TTC24: variants seen among roughly 807,000 people sequenced by gnomAD.
The protein encoded by TTC24 is tetratricopeptide repeat protein 24.
In TTC24, 54 loss-of-function variants were observed where a neutral mutation model predicts 63.3. The ratio of observed to expected loss-of-function variants is 0.85; its 90% CI spans 0.69 to 1.07. The LOEUF (loss-of-function observed/expected upper bound fraction) is 1.07, where lower values mean the gene tolerates loss of function less well. TTC24 is among the 50% of genes least tolerant of loss of function. The probability of loss-of-function intolerance (pLI) is 0.00; values close to 1 mark genes in which losing one functional copy is unlikely to be tolerated. For synonymous variants in TTC24, 276 were observed against 304.3 expected (o/e 0.91, Z 0.97); for missense variants, 680 against 730.5 (o/e 0.93, Z 0.80).
In TTC24 at chr1:156,583,035, T is replaced by C. The variant is rs1330599462; in HGVS notation, c.911-7T>C. 7 of 1,609,420 alleles carry C rather than the reference T, an allele frequency of 4.3e-6. No individual in the cohort carries two copies. The highest frequency in any genetic ancestry group is 5.9e-6 in the Non-Finnish European group (7 of 1,177,510). ...CCCTCTGAGGATGGGGTGGGCTCTG[T>C]CCTCAGGCTCTGTGGGGCAGCGGTG... On this transcript the variant is annotated splice_region_variant and splice_polypyrimidine_tract_variant and intron_variant, in intron 3 of 10. Transcript: ENST00000368236. The surrounding 1 kb of genome is among the most constrained non-coding windows in gnomAD (Gnocchi z 4.0).
At chr1:156,582,504 G>A in intron 3 of TTC24, 70 bp downstream of exon 3, 4 of 1,442,604 alleles carry the variant, frequency 2.8e-6, no homozygotes, top group African/African-American at 1.4e-5. Context: ...AGGGGCCCAA[G>A]GCTTAAGGGT....
At chr1:156,582,174 G>T in intron 2 of TTC24, 57 bp from the exon 3 acceptor site, 2 of 1,501,238 alleles carry the variant, frequency 1.3e-6, no homozygotes, top group Non-Finnish European at 1.8e-6. Flanking sequence ...GATAGGGGCT[G>T]TACCAGCCTC....
Position 156,581,427 on chromosome 1 carries a change from T to C in TTC24, c.63T>C (p.Asn21=). ...RRPEPEPSSS[N]KKKKKRKWLR... is the part of the protein sequence containing the mutation. ...CAGAACCTGAGCCCTCAAGCTCCAATAAGAAAAAGAAGAAAAGAAAGTGGC... is the reference window on the plus strand; with the variant it reads ...CAGAACCTGAGCCCTCAAGCTCCAACAAGAAAAAGAAGAAAAGAAAGTGGC... Residue 21 remains asparagine, a synonymous_variant, in exon 2 of 11, where the codon AAT becomes AAC. Transcript: ENST00000368236. The C allele has an allele frequency of 6.5e-7, 1 of 1,547,442 alleles. No individual in the cohort carries two copies. The highest frequency in any genetic ancestry group is 8.7e-7 in the Non-Finnish European group (1 of 1,145,226).
Position 156,581,502 on chromosome 1 carries a change from C to T in TTC24, c.138C>T (p.Ala46=), listed in dbSNP as rs1472615280. ...CCCTCACCAGGGCTGGCCATGGGGC[C>T]CTTCAGGCTGGCCAGAACCATGAAG... ...IQALTRAGHG[A]LQAGQNHEAL... The change falls in exon 2 of 11, where the codon GCC becomes GCT. Residue 46 remains alanine, a synonymous_variant. Transcript: ENST00000368236. 2 of 1,551,416 alleles carry T rather than the reference C, an allele frequency of 1.3e-6. No homozygotes were observed. The highest frequency in any genetic ancestry group is 1.2e-5 in the South Asian group (1 of 84,054).
At chr1:156,586,225 C>T (rs11579013) in intron 10 of TTC24, among the ~76,000 whole-genome samples, 180 bp downstream of exon 10, 5 of 152,168 alleles carry the variant, frequency 3.3e-5, no homozygotes, top group Non-Finnish European at 5.9e-5. Flanking sequence ...GTGAACAACC[C>T]TCACCCGGCT....
chr1:156,583,358 C>T lies in TTC24; in HGVS notation c.1060C>T (p.Gln354Ter). 1 of 1,612,750 alleles carries T rather than the reference C, an allele frequency of 6.2e-7. No individual in the cohort carries two copies. Among genetic ancestry groups the T allele is most frequent in the Non-Finnish European group, 8.5e-7 (1 of 1,179,418 alleles). ...CTCAGGGGACATGAAGGGACAGTGG[C>T]AGGCCTGTGAGGGTCTGGGGGCTGC... ...RDSGDMKGQW[Q>*]ACEGLGAAAA... The change falls in exon 5 of 11, where the codon CAG becomes TAG. Residue 354 changes from glutamine to a stop codon, truncating the protein, a stop_gained. Transcript: ENST00000368236. LOFTEE classifies it high-confidence loss of function. The surrounding 1 kb of genome is among the most constrained non-coding windows in gnomAD (Gnocchi z 4.0).
Position 156,583,538 on chromosome 1 carries a change from T to A in TTC24, c.1152+88T>A, listed in dbSNP as rs1677066873. On this transcript the variant is annotated intron_variant, in intron 5 of 10. Transcript: ENST00000368236. This position sits in a 1 kb window ranked among gnomAD's most constrained non-coding sequence, Gnocchi z 4.0. ...GCCTTCACTCCTTGTCTTCTCCCCA[T>A]CACTCACTCAATCAGCAAACATGCA... is the stretch of plus-strand genomic sequence containing the variant. 2 of 1,115,840 alleles carry A rather than the reference T, an allele frequency of 1.8e-6. No homozygotes were observed. Among genetic ancestry groups the A allele is most frequent in the Non-Finnish European group, 2.6e-6 (2 of 780,916 alleles). 69.1% of individuals were successfully genotyped at this position (1,115,840 alleles called of 1,614,324 possible). A position where few individuals can be genotyped will look rare whatever the true frequency, so the allele number is the denominator to read the frequency against.
At chr1:156,584,094 C>T (rs1677083316) in intron 6 of TTC24, among the ~76,000 whole-genome samples, 199 bp downstream of exon 6, 1 of 152,170 alleles carries the variant, frequency 6.6e-6, no homozygotes, top group Non-Finnish European at 1.5e-5. Flanking sequence ...ACGTCTCCAA[C>T]ACAAGGGCTG....
At position 156,583,855 on chromosome 1, in the gene TTC24, C is replaced by T. The variant is rs74118719; in HGVS notation, c.1211C>T (p.Thr404Met). 3,431 of 1,584,832 alleles carry T rather than the reference C, an allele frequency of 2.2e-3. 55 individuals carry two copies. In the African/African-American group the frequency reaches 0.038, roughly 18 times the overall value. Reference protein sequence around the residue: ...LVAKLADTVRTRLAQVGLVQT... With the variant: ...LVAKLADTVRMRLAQVGLVQT... ...GCCAAGCTGGCAGACACCGTGAGGACGCGCTTGGCCCAGGTGGGGCTGGTC... is the reference window on the plus strand; with the variant it reads ...GCCAAGCTGGCAGACACCGTGAGGATGCGCTTGGCCCAGGTGGGGCTGGTC... Residue 404 changes from threonine (T) to methionine (M), a missense_variant, in exon 6 of 11, where the codon ACG becomes ATG. Physicochemically the swap from Thr to Met is moderately conservative, Grantham distance 81 (BLOSUM62 -1). Coordinates refer to ENST00000368236, the MANE Select transcript of TTC24 (RefSeq NM_001105669.4). This position sits in a 1 kb window ranked among gnomAD's most constrained non-coding sequence, Gnocchi z 4.0.
At chr1:156,582,995 C>T in intron 3 of TTC24, 47 bp from the exon 4 acceptor site, 1 of 1,569,630 alleles carries the variant, frequency 6.4e-7, no homozygotes, top group Non-Finnish European at 8.6e-7. Flanking sequence ...TCCTGATGTC[C>T]CAGCAGCCAG....
intron 1 of TTC24, among the ~76,000 whole-genome samples, 196 bp downstream of exon 1, chr1:156,579,954 G>A (rs1676948835): frequency 6.6e-6 from 1 of 152,210 alleles, no homozygotes; most frequent in Admixed American, 6.5e-5. Flanking sequence ...GGGGTCAAGA[G>A]CCCAGGGCCT....
At chr1:156,585,325 T>C (rs1169009826) in intron 8 of TTC24, 94 bp downstream of exon 8, 72 of 926,730 alleles carry the variant, frequency 7.8e-5, no homozygotes, top group Non-Finnish European at 1.1e-4. Context: ...CTTATGCCCA[T>C]CCCACCATCC....
In TTC24 at chr1:156,583,334, T is replaced by G. The variant is rs985587602; in HGVS notation, c.1040-4T>G. 2 of 1,612,460 alleles carry G rather than the reference T, an allele frequency of 1.2e-6. No individual in the cohort carries two copies. The highest frequency in any genetic ancestry group is 1.7e-6 in the Non-Finnish European group (2 of 1,179,282). On this transcript the variant is annotated splice_region_variant and splice_polypyrimidine_tract_variant and intron_variant, in intron 4 of 10. Coordinates refer to ENST00000368236, the MANE Select transcript of TTC24 (RefSeq NM_001105669.4). This position sits in a 1 kb window ranked among gnomAD's most constrained non-coding sequence, Gnocchi z 4.0. ...AAGGACCTTCCAGGCTCTCTTTCTC[T>G]CAGGGGACATGAAGGGACAGTGGCA...
intron 3 of TTC24, 84 bp downstream of exon 3, chr1:156,582,518 T>G (rs1677030003): frequency 2.3e-6 from 3 of 1,289,400 alleles, no homozygotes; most frequent in Admixed American, 2.0e-5. Context: ...TAAGGGTGGA[T>G]GGCCCTTTGG....
At chr1:156,582,180 G>C in intron 2 of TTC24, 51 bp from the exon 3 acceptor site, 1 of 1,508,930 alleles carries the variant, frequency 6.6e-7, no homozygotes, top group Non-Finnish European at 8.9e-7. Context: ...GGCTGTACCA[G>C]CCTCATTTAT....
At position 156,586,868 on chromosome 1, in the gene TTC24, G is replaced by A; in HGVS notation, c.*318G>A. The stretch of plus-strand genomic sequence containing the variant: ...GGCAGTTCTAAAAACTGACTTCGTG[G>A]TCAAGTAGCTTTGGAGTCACTGACT... On this transcript the variant is annotated 3_prime_UTR_variant, in exon 11 of 11. Transcript: ENST00000368236. 1 of 237,544 alleles carries A rather than the reference G, an allele frequency of 4.2e-6. No individual in the cohort carries two copies. Among genetic ancestry groups the A allele is most frequent in the South Asian group, 8.5e-5 (1 of 11,724 alleles). 14.7% of individuals were successfully genotyped at this position (237,544 alleles called of 1,614,324 possible).
In TTC24 at chr1:156,582,016, G is replaced by A; in HGVS notation, c.652G>A (p.Val218Met). ...GRHRVGEVVQVLEKSRRLAER... is the reference protein window; with the variant it reads ...GRHRVGEVVQMLEKSRRLAER... ...GCATCGGGTGGGGGAAGTTGTGCAG[G>A]TGCTGGAGAAAAGCCGGAGGCTTGC... The change falls in exon 2 of 11, where the codon GTG becomes ATG. Residue 218 changes from valine (V) to methionine (M), a missense_variant. Val to Met is a conservative substitution (Grantham distance 21). Transcript: ENST00000368236. 2.7e-6 allele frequency: 4 copies of A among 1,489,272 alleles called. No homozygotes were observed. The highest frequency in any genetic ancestry group is 3.6e-6 in the Non-Finnish European group (4 of 1,121,078). The allele number at this position is 1,489,272 out of a possible 1,614,324, so 92.3% of individuals were successfully genotyped here.
intron 1 of TTC24, among the ~76,000 whole-genome samples, chr1:156,580,538 C>T (rs566617498): frequency 6.6e-5 from 10 of 152,192 alleles, no homozygotes; most frequent in South Asian, 2.1e-4. Flanking sequence ...AGTGCAATGG[C>T]GCGATCTCAG....
Position 156,586,981 on chromosome 1 carries a change from C to T in TTC24, c.*431C>T, listed in dbSNP as rs1243786603. ...TACCCAACCAATGCACCTTACTTCT[C>T]TGTGAAACACAGGGGATGCTGGGCG... On this transcript the variant is annotated 3_prime_UTR_variant, in exon 11 of 11. Transcript: ENST00000368236. Among the ~76,000 whole-genome samples the T allele has an allele frequency of 6.6e-6, 1 of 152,236 alleles. No homozygotes were observed. Among genetic ancestry groups the T allele is most frequent in the Non-Finnish European group, 1.5e-5 (1 of 68,040 alleles).
Sources: allele counts gnomAD v4.1 joint callset (sites outside exome capture counted in the v4.1 genomes callset), GRCh38; gene constraint gnomAD v4.1.1; non-coding constraint Gnocchi (gnomAD v3.1); transcripts MANE v1.5; gene names NCBI Gene and HGNC (gene_info 2026-07-23, HGNC 2026-07-21).